IRF2BP1: variants seen among roughly 807,000 people sequenced by gnomAD.
The protein encoded by IRF2BP1 is interferon regulatory factor 2-binding protein 1.
Under a neutral mutation model 38.6 loss-of-function variants are expected in IRF2BP1, and 9 were observed. That is an observed-to-expected ratio of 0.23 (90% CI 0.14 to 0.41). The LOEUF is 0.41. Ranked by LOEUF, IRF2BP1 falls within the 10% of genes least tolerant of loss-of-function variation. The probability of loss-of-function intolerance (pLI) is 1.00; values close to 1 mark genes in which losing one functional copy is unlikely to be tolerated. For synonymous variants in IRF2BP1, 416 were observed against 383.4 expected, an observed-to-expected ratio of 1.08 and a Z score of -0.99; for missense variants, 631 against 829.6, an observed-to-expected ratio of 0.76 and a Z score of 2.94.
In IRF2BP1 at chr19:45,885,447, C is replaced by A; in HGVS notation, c.328G>T (p.Asp110Tyr). Residue 110 changes from aspartate (D) to tyrosine (Y), a missense_variant, in exon 1 of 1, where the codon GAC (aspartate) becomes TAC (tyrosine). Physicochemically the swap from Asp to Tyr is radical, Grantham distance 160 (BLOSUM62 -3). Transcript: ENST00000302165. ...SGTGGGVSGQ[D>Y]RYDRATSSGR... is the part of the protein sequence containing the mutation. The stretch of plus-strand genomic sequence containing the variant: ...GATGATGTGGCCCTGTCATAGCGGT[C>A]CTGGCCCGACACGCCGCCGCCGGTC... 1.3e-6 allele frequency: 2 copies of A among 1,512,526 alleles called. No individual in the cohort carries two copies. The highest frequency in any genetic ancestry group is 1.8e-6 in the Non-Finnish European group (2 of 1,134,826). 93.7% of individuals were successfully genotyped at this position (1,512,526 alleles called of 1,614,324 possible).
At position 45,886,028 on chromosome 19, in the gene IRF2BP1, C is replaced by T. The variant is rs536841600; in HGVS notation, c.-254G>A. The T allele has an allele frequency of 2.0e-4, 78 of 397,040 alleles. No individual in the cohort carries two copies. Among genetic ancestry groups the T allele is most frequent in the African/African-American group, 1.6e-3 (77 of 47,186 alleles). 24.6% of individuals were successfully genotyped at this position (397,040 alleles called of 1,614,324 possible). A position where few individuals can be genotyped will look rare whatever the true frequency, so the allele number is the denominator to read the frequency against. On this transcript the variant is annotated 5_prime_UTR_variant, in exon 1 of 1. Transcript: ENST00000302165. ...CCCCCGCCCGGTCCGGGCTCCGAGC[C>T]GAGGCGCACAGCTCGGGCCCCACGA...
chr19:45,884,992 A>G lies in IRF2BP1; in HGVS notation c.783T>C (p.Ala261=). ...ACTCGTATCCTGGAGGACGGGCAGT[A>G]GCATCGAAGGCGAACACTCGCCCCA... ...GLVGRVFAFD[A]TARPPGYEFE... The change falls in exon 1 of 1, where the codon GCT becomes GCC. Residue 261 remains alanine (A), a synonymous_variant. Coordinates refer to ENST00000302165, the MANE Select transcript of IRF2BP1 (RefSeq NM_015649.3). 1 of 1,613,466 alleles carries G rather than the reference A, an allele frequency of 6.2e-7. No individual in the cohort carries two copies. Among genetic ancestry groups the G allele is most frequent in the Non-Finnish European group, 8.5e-7 (1 of 1,180,036 alleles).
In IRF2BP1 at chr19:45,884,454, C is replaced by T. The variant is rs1215607592; in HGVS notation, c.1321G>A (p.Gly441Ser). The T allele has an allele frequency of 1.3e-6, 2 of 1,599,078 alleles. No homozygotes were observed. Among genetic ancestry groups the T allele is most frequent in the Non-Finnish European group, 1.7e-6 (2 of 1,178,196 alleles). ...GCACGCACAGGCCCCCCGCCTCCGC[C>T]AGGGTCCTTGGGTGAGTGGCCCAGG... ...EALGHSPKDPGGGGGPVRAGG... is the reference protein window; with the variant it reads ...EALGHSPKDPSGGGGPVRAGG... The change falls in exon 1 of 1, where the codon GGC becomes AGC. Residue 441 changes from glycine (G) to serine (S), a missense_variant. Transcript: ENST00000302165.
At position 45,885,812 on chromosome 19, in the gene IRF2BP1, C is replaced by T. The variant is rs1967048394; in HGVS notation, c.-38G>A. On this transcript the variant is annotated 5_prime_UTR_variant, in exon 1 of 1. In the 5' UTR this introduces an upstream ATG that the reference lacks. Transcript: ENST00000302165. ...CGCGCCGCCCAGCTCCCGCGTTCCA[C>T]CGGCCGCCGACGTGCGATCCGCGCC... 1.3e-6 allele frequency: 2 copies of T among 1,495,314 alleles called. No homozygotes were observed. The highest frequency in any genetic ancestry group is 1.8e-6 in the Non-Finnish European group (2 of 1,133,356). The allele number at this position is 1,495,314 out of a possible 1,614,324, so 92.6% of individuals were successfully genotyped here.
At position 45,884,005 on chromosome 19, in the gene IRF2BP1, G is replaced by A. The variant is rs1289197436; in HGVS notation, c.*15C>T. 2 of 1,546,558 alleles carry A rather than the reference G, an allele frequency of 1.3e-6. No homozygotes were observed. The highest frequency in any genetic ancestry group is 1.4e-5 in the African/African-American group (1 of 73,456). Reference sequence around the variant, plus strand: ...GCAAAGGGGCAGAGGGCAGTAGCCTGGAGGCAGTGGTAGCCTAGGGGTCCC... The same window carrying A: ...GCAAAGGGGCAGAGGGCAGTAGCCTAGAGGCAGTGGTAGCCTAGGGGTCCC... On this transcript the variant is annotated 3_prime_UTR_variant, in exon 1 of 1. Coordinates refer to ENST00000302165, the MANE Select transcript of IRF2BP1 (RefSeq NM_015649.3).
In IRF2BP1 at chr19:45,883,670, G is replaced by A. The variant is rs551436488; in HGVS notation, c.*350C>T. On this transcript the variant is annotated 3_prime_UTR_variant, in exon 1 of 1. Coordinates refer to ENST00000302165, the MANE Select transcript of IRF2BP1 (RefSeq NM_015649.3). The stretch of plus-strand genomic sequence containing the variant: ...AGAAGGGAGCGGGGGGTGGGGGGGT[G>A]GGAATTAAATGCTTTTGCCTCGTTT... The A allele has an allele frequency of 5.2e-6, 1 of 190,494 alleles. No homozygotes were observed. Among genetic ancestry groups the A allele is most frequent in the Admixed American group, 7.0e-5 (1 of 14,234 alleles). 11.8% of individuals were successfully genotyped at this position (190,494 alleles called of 1,614,324 possible).
Position 45,883,608 on chromosome 19 carries a change from GA to G in IRF2BP1, c.*411del, listed in dbSNP as rs555585097. Reference sequence around the variant, plus strand: ...CTCACACAACTAAGGGACCAAGAAGGAAAAAAAAAACCCATCTTTCGGTTTA... The same window carrying G: ...CTCACACAACTAAGGGACCAAGAAGGAAAAAAAAACCCATCTTTCGGTTTA... On this transcript the variant is annotated 3_prime_UTR_variant, in exon 1 of 1. Transcript: ENST00000302165. 27 of 124,394 alleles carry G rather than the reference GA, an allele frequency of 2.2e-4. No individual in the cohort carries two copies. The highest frequency in any genetic ancestry group is 7.7e-4 in the South Asian group (3 of 3,892). 7.7% of individuals were successfully genotyped at this position (124,394 alleles called of 1,614,324 possible).
chr19:45,885,464 C>T lies in IRF2BP1; in HGVS notation c.311G>A (p.Gly104Asp). 6.7e-7 allele frequency: 1 copy of T among 1,487,230 alleles called. No individual in the cohort carries two copies. The allele number at this position is 1,487,230 out of a possible 1,614,324, so 92.1% of individuals were successfully genotyped here. ...ATAGCGGTCCTGGCCCGACACGCCG[C>T]CGCCGGTCCCTGACGGCTGGGGCTG... The part of the protein sequence containing the change: ...QAQPQPSGTG[G>D]GVSGQDRYDR... The change falls in exon 1 of 1, where the codon GGC becomes GAC. Residue 104 changes from glycine (G) to aspartate (D), a missense_variant. By Grantham distance (94) the Gly-to-Asp change is moderately conservative. This residue lies in a region of IRF2BP1 where 206 missense variants were observed against 207.0 expected (regional missense o/e 1.00). Coordinates refer to ENST00000302165, the MANE Select transcript of IRF2BP1 (RefSeq NM_015649.3).
chr19:45,884,117 G>A lies in IRF2BP1; in HGVS notation c.1658C>T (p.Pro553Leu). ...CCAGGGCACGGAGGAGCCGACCAGC[G>A]GGCACTTGTCTCCGCTCGGGCAGTA... Reference protein sequence around the residue: ...EVYCPSGDKCPLVGSSVPWAF... With the variant: ...EVYCPSGDKCLLVGSSVPWAF... Residue 553 changes from proline (P) to leucine (L), a missense_variant, in exon 1 of 1, where the codon CCG (proline) becomes CTG (leucine). Pro to Leu is a moderately conservative substitution (Grantham distance 98). Around this residue, in one of 5 missense-constraint regions of IRF2BP1, gnomAD observed 58 missense variants for 108.4 expected, o/e 0.54. Transcript: ENST00000302165. 1.9e-6 allele frequency: 3 copies of A among 1,613,190 alleles called. No homozygotes were observed. Among genetic ancestry groups the A allele is most frequent in the Non-Finnish European group, 2.5e-6 (3 of 1,179,734 alleles).
chr19:45,884,961 G>A lies in IRF2BP1; in HGVS notation c.814C>T (p.Leu272=). 1.9e-6 allele frequency: 3 copies of A among 1,613,460 alleles called. No homozygotes were observed. Among genetic ancestry groups the A allele is most frequent in the South Asian group, 1.1e-5 (1 of 91,092 alleles). The change falls in exon 1 of 1, where the codon CTG becomes TTG. Residue 272 remains leucine, a synonymous_variant. Coordinates refer to ENST00000302165, the MANE Select transcript of IRF2BP1 (RefSeq NM_015649.3). ...CAGGGGTATTCGGTGAAGAGCTTCA[G>A]CTCGAACTCGTATCCTGGAGGACGG... ...TARPPGYEFE[L]KLFTEYPCGS...
At position 45,885,820 on chromosome 19, in the gene IRF2BP1, C is replaced by A; in HGVS notation, c.-46G>T. The A allele has an allele frequency of 8.1e-6, 12 of 1,481,012 alleles. No individual in the cohort carries two copies. Among genetic ancestry groups the A allele is most frequent in the Non-Finnish European group, 1.1e-5 (12 of 1,126,108 alleles). The allele number at this position is 1,481,012 out of a possible 1,614,324, so 91.7% of individuals were successfully genotyped here. ...CCAGCTCCCGCGTTCCACCGGCCGC[C>A]GACGTGCGATCCGCGCCGCCAACGT... On this transcript the variant is annotated 5_prime_UTR_variant, in exon 1 of 1. Coordinates refer to ENST00000302165, the MANE Select transcript of IRF2BP1 (RefSeq NM_015649.3).
chr19:45,883,626 T>G lies in IRF2BP1; in HGVS notation c.*394A>C. The G allele has an allele frequency of 2.1e-5, 3 of 142,208 alleles. No homozygotes were observed. Among genetic ancestry groups the G allele is most frequent in the Non-Finnish European group, 4.0e-5 (3 of 75,610 alleles). The allele number at this position is 142,208 out of a possible 1,614,324, so 8.8% of individuals were successfully genotyped here. ...CAAGAAGGAAAAAAAAAACCCATCT[T>G]TCGGTTTATTGAAGGAGCAGAAGGG... is the stretch of plus-strand genomic sequence containing the variant. On this transcript the variant is annotated 3_prime_UTR_variant, in exon 1 of 1. Transcript: ENST00000302165.
Position 45,885,580 on chromosome 19 carries a change from G to A in IRF2BP1, c.195C>T (p.Arg65=), listed in dbSNP as rs1414927050. 15 of 1,490,000 alleles carry A rather than the reference G, an allele frequency of 1.0e-5. No individual in the cohort carries two copies. Among genetic ancestry groups the A allele is most frequent in the Admixed American group, 6.6e-5 (3 of 45,274 alleles). The allele number at this position is 1,490,000 out of a possible 1,614,324, so 92.3% of individuals were successfully genotyped here. The part of the protein sequence containing the change: ...LKRSHVLPEG[R]SPGPPALKHP... Reference sequence around the variant, plus strand: ...GCTTAAGGGCCGGGGGCCCGGGCGAGCGGCCCTCGGGGAGCACGTGGCTGC... The same window carrying A: ...GCTTAAGGGCCGGGGGCCCGGGCGAACGGCCCTCGGGGAGCACGTGGCTGC... Residue 65 remains arginine, a synonymous_variant, in exon 1 of 1, where the codon CGC becomes CGT. Transcript: ENST00000302165.
chr19:45,885,066 A>G lies in IRF2BP1; in HGVS notation c.709T>C (p.Ser237Pro). 1 of 1,612,730 alleles carries G rather than the reference A, an allele frequency of 6.2e-7. No homozygotes were observed. Among genetic ancestry groups the G allele is most frequent in the Non-Finnish European group, 8.5e-7 (1 of 1,180,038 alleles). Residue 237 changes from serine to proline, a missense_variant, in exon 1 of 1, where the codon TCC becomes CCC. Physicochemically the swap from Ser to Pro is moderately conservative, Grantham distance 74 (BLOSUM62 -1). Around this residue, in one of 5 missense-constraint regions of IRF2BP1, gnomAD observed 133 missense variants for 232.2 expected, o/e 0.57. Coordinates refer to ENST00000302165, the MANE Select transcript of IRF2BP1 (RefSeq NM_015649.3). ...CGCACATTGAACGGGGCGCAGGCGG[A>G]CAGCGCCAGTAGCTGTTCCCGCACT... Reference protein sequence around the residue: ...KAVREQLLALSACAPFNVRFK... With the variant: ...KAVREQLLALPACAPFNVRFK...
In IRF2BP1 at chr19:45,884,084, A is replaced by G; in HGVS notation, c.1691T>C (p.Met564Thr). The stretch of plus-strand genomic sequence containing the variant: ...AAGGATGGTGGCGATCTCGCCCTGC[A>G]TGAAGGCCCAGGGCACGGAGGAGCC... The part of the protein sequence containing the change: ...LVGSSVPWAF[M>T]QGEIATILAG... The change falls in exon 1 of 1, where the codon ATG (methionine) becomes ACG (threonine). Residue 564 changes from methionine to threonine, a missense_variant. By Grantham distance (81) the Met-to-Thr change is moderately conservative. Coordinates refer to ENST00000302165, the MANE Select transcript of IRF2BP1 (RefSeq NM_015649.3). The G allele has an allele frequency of 6.2e-7, 1 of 1,610,108 alleles. No individual in the cohort carries two copies. Among genetic ancestry groups the G allele is most frequent in the Non-Finnish European group, 8.5e-7 (1 of 1,177,432 alleles).
In IRF2BP1 at chr19:45,885,592, G is replaced by A; in HGVS notation, c.183C>T (p.Leu61=). The A allele has an allele frequency of 6.6e-7, 1 of 1,517,040 alleles. No individual in the cohort carries two copies. The highest frequency in any genetic ancestry group is 8.8e-7 in the Non-Finnish European group (1 of 1,141,774). 94.0% of individuals were successfully genotyped at this position (1,517,040 alleles called of 1,614,324 possible). A position where few individuals can be genotyped will look rare whatever the true frequency, so the allele number is the denominator to read the frequency against. Residue 61 remains leucine, a synonymous_variant, in exon 1 of 1, where the codon CTC becomes CTT. Transcript: ENST00000302165. Reference sequence around the variant, plus strand: ...GGGGCCCGGGCGAGCGGCCCTCGGGGAGCACGTGGCTGCGCTTGAGCTGGC... The same window carrying A: ...GGGGCCCGGGCGAGCGGCCCTCGGGAAGCACGTGGCTGCGCTTGAGCTGGC... ...AARQLKRSHV[L]PEGRSPGPPA... is the part of the protein sequence containing the mutation.
chr19:45,885,514 C>A lies in IRF2BP1; in HGVS notation c.261G>T (p.Gly87=), dbSNP rs1010671138. The A allele has an allele frequency of 1.4e-6, 2 of 1,426,656 alleles. No homozygotes were observed. The highest frequency in any genetic ancestry group is 1.8e-6 in the Non-Finnish European group (2 of 1,099,442). 88.4% of individuals were successfully genotyped at this position (1,426,656 alleles called of 1,614,324 possible). The change falls in exon 1 of 1, where the codon GGG becomes GGT. Residue 87 remains glycine (G), a synonymous_variant. Transcript: ENST00000302165. The part of the protein sequence containing the change: ...TKDLAAAAAQ[G]PQLPPPQAQP... ...GGGCCTGCGGGGGCGGCAGCTGGGG[C>A]CCCTGTGCGGCTGCCGCCGCCAGGT...
chr19:45,885,804 G>C lies in IRF2BP1; in HGVS notation c.-30C>G. 6.6e-7 allele frequency: 1 copy of C among 1,505,870 alleles called. No homozygotes were observed. The highest frequency in any genetic ancestry group is 8.8e-7 in the Non-Finnish European group (1 of 1,138,904). The allele number at this position is 1,505,870 out of a possible 1,614,324, so 93.3% of individuals were successfully genotyped here. A position where few individuals can be genotyped will look rare whatever the true frequency, so the allele number is the denominator to read the frequency against. ...CCAGTCCGCGCGCCGCCCAGCTCCC[G>C]CGTTCCACCGGCCGCCGACGTGCGA... On this transcript the variant is annotated 5_prime_UTR_variant, in exon 1 of 1. Transcript: ENST00000302165.
Position 45,885,166 on chromosome 19 carries a change from C to G in IRF2BP1, c.609G>C (p.Arg203Ser). The change falls in exon 1 of 1, where the codon AGG (arginine) becomes AGC (serine). Residue 203 changes from arginine (R) to serine (S), a missense_variant. Transcript: ENST00000302165. ...GSDFEKEKQQ[R>S]NADCLAELNE... is the part of the protein sequence containing the mutation. Reference sequence around the variant, plus strand: ...TCAGTTCTGCCAGACAGTCCGCATTCCTCTGCTGCTTCTCTTTCTCGAAAT... The same window carrying G: ...TCAGTTCTGCCAGACAGTCCGCATTGCTCTGCTGCTTCTCTTTCTCGAAAT... 1.2e-6 allele frequency: 2 copies of G among 1,610,414 alleles called. No individual in the cohort carries two copies. The highest frequency in any genetic ancestry group is 1.7e-6 in the Non-Finnish European group (2 of 1,180,040).
Sources: gnomAD v4.1 joint callset for allele counts on GRCh38, gnomAD v4.1.1 for gene constraint, gnomAD v4.1.1 regional missense constraint, MANE v1.5 for transcripts, NCBI Gene and HGNC (gene_info 2026-07-23, HGNC 2026-07-21) for gene names.